SLC7A5: variants seen among roughly 807,000 people sequenced by gnomAD.
SLC7A5 encodes large neutral amino acids transporter small subunit 1.
A neutral mutation model predicts 50.2 loss-of-function variants in SLC7A5; 23 were observed. The observed-to-expected ratio is 0.46, with a 90% CI of 0.33 to 0.65. SLC7A5 has a LOEUF of 0.65. Ranked by LOEUF, SLC7A5 falls within the 30% of genes least tolerant of loss-of-function variation. The pLI, the probability that SLC7A5 is intolerant of heterozygous loss-of-function variation, is 0.02. For synonymous variants in SLC7A5, 393 were observed against 330.6 expected (o/e 1.19, Z -2.05); for missense variants, 578 against 684.4 (o/e 0.84, Z 1.73).
Position 87,836,573 on chromosome 16 carries a change from C to T in SLC7A5, c.1215G>A (p.Trp405Ter), listed in dbSNP as rs781126989. The change falls in exon 8 of 10, where the codon TGG (tryptophan) becomes TGA (stop). Residue 405 changes from tryptophan (W) to a stop codon, truncating the protein, a stop_gained. Coordinates refer to ENST00000261622, the MANE Select transcript of SLC7A5 (RefSeq NM_003486.7). LOFTEE classifies it high-confidence loss of function. ...CGATGATGGCCAGGGCCACGCAGAG[C>T]CAGTTGAAGAAGCTGAAGAAGTTGA... ...SVINFFSFFNWLCVALAIIGM... is the reference protein window; with the variant it reads ...SVINFFSFFN 1 of 1,613,704 alleles carries T rather than the reference C, an allele frequency of 6.2e-7. No individual in the cohort carries two copies. The highest frequency in any genetic ancestry group is 8.5e-7 in the Non-Finnish European group (1 of 1,180,026).
intron 1 of SLC7A5, among the ~76,000 whole-genome samples, chr16:87,866,425 CGAG>C (rs1567503904): frequency 6.6e-6 from 1 of 152,038 alleles, no homozygotes; most frequent in East Asian, 1.9e-4. Context: ...CCTCAGCCTC[CGAG>C]TAGCTGGGAC....
Position 87,869,482 on chromosome 16 carries a change from G to C in SLC7A5, c.-60C>G, listed in dbSNP as rs1227422377. 4.3e-6 allele frequency: 5 copies of C among 1,155,256 alleles called. No individual in the cohort carries two copies. The highest frequency in any genetic ancestry group is 1.6e-5 in the African/African-American group (1 of 61,428). The allele number at this position is 1,155,256 out of a possible 1,614,324, so 71.6% of individuals were successfully genotyped here. ...AGCCGCGGCCCAGCGAGCAGTGTGCGCGCCGCCCGCCGCCCGCAGCTGCGT... is the reference window on the plus strand; with the variant it reads ...AGCCGCGGCCCAGCGAGCAGTGTGCCCGCCGCCCGCCGCCCGCAGCTGCGT... On this transcript the variant is annotated 5_prime_UTR_variant, in exon 1 of 10. Transcript: ENST00000261622.
intron 7 of SLC7A5, 134 bp downstream of exon 7, chr16:87,837,711 C>T: frequency 1.5e-6 from 1 of 689,224 alleles, no homozygotes; most frequent in South Asian, 1.7e-5. Context: ...TTCAGCGGAG[C>T]TCGGCAGGAG....
At chr16:87,834,947 CAG>C (rs2054979815) in intron 8 of SLC7A5, among the ~76,000 whole-genome samples, 1 of 152,252 alleles carries the variant, frequency 6.6e-6, no homozygotes, top group Non-Finnish European at 1.5e-5. Flanking sequence ...TTCCAGGAGA[CAG>C]TGGCCACCCA....
At chr16:87,849,962 C>T (rs1800733167) in intron 2 of SLC7A5, among the ~76,000 whole-genome samples, 1 of 152,226 alleles carries the variant, frequency 6.6e-6, no homozygotes, top group Non-Finnish European at 1.5e-5. Context: ...CTGCTGCAGA[C>T]TTTGTACAGA....
In SLC7A5 at chr16:87,841,036, A is replaced by G. The variant is rs1006316178; in HGVS notation, c.770+14T>C. The G allele has an allele frequency of 5.1e-6, 8 of 1,583,888 alleles. No homozygotes were observed. The highest frequency in any genetic ancestry group is 6.9e-6 in the Non-Finnish European group (8 of 1,152,924). The stretch of plus-strand genomic sequence containing the variant: ...TGTCCCCAGACCAAGGGACCCAGAC[A>G]TTCCAGAACCTACCATCCTCCATAG... On this transcript the variant is annotated intron_variant, in intron 3 of 9. Transcript: ENST00000261622. The surrounding 1 kb of genome is among the most constrained non-coding windows in gnomAD (Gnocchi z 4.8).
intron 2 of SLC7A5, among the ~76,000 whole-genome samples, chr16:87,847,769 G>A (rs1420346301): frequency 6.6e-6 from 1 of 152,188 alleles, no homozygotes; most frequent in Non-Finnish European, 1.5e-5. Context: ...GTGGGACCTG[G>A]GGCAGGGCAC....
chr16:87,841,261 C>T lies in SLC7A5; in HGVS notation c.665-106G>A, dbSNP rs1170728789. 1.3e-6 allele frequency: 1 copy of T among 771,356 alleles called. No homozygotes were observed. Among genetic ancestry groups the T allele is most frequent in the African/African-American group, 1.7e-5 (1 of 58,460 alleles). The allele number at this position is 771,356 out of a possible 1,614,324, so 47.8% of individuals were successfully genotyped here. ...GCAAAATACATAGCAAACAAAAATG[C>T]TGGAGTGAAGGCTTTTCACTGTGAC... is the stretch of plus-strand genomic sequence containing the variant. On this transcript the variant is annotated intron_variant, in intron 2 of 9. Coordinates refer to ENST00000261622, the MANE Select transcript of SLC7A5 (RefSeq NM_003486.7). This position sits in a 1 kb window ranked among gnomAD's most constrained non-coding sequence, Gnocchi z 4.8.
At chr16:87,840,858 T>C (rs1216180024) in intron 3 of SLC7A5, among the ~76,000 whole-genome samples, 192 bp downstream of exon 3, 1 of 151,966 alleles carries the variant, frequency 6.6e-6, no homozygotes, top group Admixed American at 6.5e-5. Context: ...GCGGGCGGCC[T>C]CCCCACGCTT....
intron 8 of SLC7A5, among the ~76,000 whole-genome samples, chr16:87,835,516 G>GTC (rs1291498843): frequency 6.6e-6 from 1 of 152,218 alleles, no homozygotes; most frequent in Non-Finnish European, 1.5e-5. Context: ...TTGAGACGGA[G>GTC]TCTCACTCTG....
chr16:87,868,795 G>C, intron 1 of SLC7A5, 90 bp downstream of exon 1: 1 of 1,307,464 alleles, frequency 7.6e-7, no homozygotes. Flanking sequence ...TAAAGATGTA[G>C]AGATGTGGGA....
At chr16:87,845,896 C>T (rs899156959) in intron 2 of SLC7A5, among the ~76,000 whole-genome samples, 8 of 152,214 alleles carry the variant, frequency 5.3e-5, no homozygotes, top group African/African-American at 9.7e-5. Flanking sequence ...AAACAAGCCC[C>T]GCTCCCGTCC....
intron 1 of SLC7A5, among the ~76,000 whole-genome samples, chr16:87,864,206 C>T (rs1001937357): frequency 6.6e-6 from 1 of 151,108 alleles, no homozygotes; most frequent in South Asian, 2.1e-4. Flanking sequence ...GCAGGACAGT[C>T]GCTTGAACCC....
At position 87,830,450 on chromosome 16, in the gene SLC7A5, A is replaced by C. The variant is rs2054922342; in HGVS notation, c.*2520T>G. ...GGGGACGTTTGTCAGTGGAGTGTGGAGAAAAAGGGACGGAAAAATCAAGTC... is the reference window on the plus strand; with the variant it reads ...GGGGACGTTTGTCAGTGGAGTGTGGCGAAAAAGGGACGGAAAAATCAAGTC... On this transcript the variant is annotated 3_prime_UTR_variant, in exon 10 of 10. Coordinates refer to ENST00000261622, the MANE Select transcript of SLC7A5 (RefSeq NM_003486.7). The C allele has an allele frequency of 6.6e-6, 1 of 152,282 alleles. No individual in the cohort carries two copies. Among genetic ancestry groups the C allele is most frequent in the African/African-American group, 2.4e-5 (1 of 41,462 alleles). 9.4% of individuals were successfully genotyped at this position (152,282 alleles called of 1,614,324 possible).
At chr16:87,866,504 T>A (rs2055462868) in intron 1 of SLC7A5, among the ~76,000 whole-genome samples, 1 of 152,106 alleles carries the variant, frequency 6.6e-6, no homozygotes. Flanking sequence ...TTCGCCTTGT[T>A]GCCCAGGCTG....
rs1043303075 is a variant in SLC7A5 at position 87,852,912 on chromosome 16, C to G, written c.539-1063G>C. On this transcript the variant is annotated intron_variant, in intron 1 of 9. Transcript: ENST00000261622. The surrounding 1 kb of genome is among the most constrained non-coding windows in gnomAD (Gnocchi z 4.5). The stretch of plus-strand genomic sequence containing the variant: ...CACCCCTCACTGCCTGCTGCACTAC[C>G]CTTCACTCCTCTGCTCACGAGGTTA... 6.6e-6 allele frequency among the ~76,000 whole-genome samples: 1 copy of G among 152,138 alleles called. No individual in the cohort carries two copies. The highest frequency in any genetic ancestry group is 2.4e-5 in the African/African-American group (1 of 41,412).
chr16:87,851,533 G>A (rs1055407710), intron 2 of SLC7A5, among the ~76,000 whole-genome samples, 191 bp downstream of exon 2: 2 of 152,246 alleles, frequency 1.3e-5, no homozygotes, highest in South Asian at 2.1e-4. Flanking sequence ...TGTCCCACGG[G>A]AGCACTCCTG....
In SLC7A5 at chr16:87,837,956, G is replaced by A; in HGVS notation, c.1044-15C>T. On this transcript the variant is annotated splice_polypyrimidine_tract_variant and intron_variant, in intron 6 of 9. Coordinates refer to ENST00000261622, the MANE Select transcript of SLC7A5 (RefSeq NM_003486.7). ...CGAAGAAGAGCCTGTGGACAGACAA[G>A]AGTGGCAGAGTCAGCCACCGCCCCA... 1 of 1,584,392 alleles carries A rather than the reference G, an allele frequency of 6.3e-7. No individual in the cohort carries two copies. Among genetic ancestry groups the A allele is most frequent in the Middle Eastern group, 1.7e-4 (1 of 6,016 alleles).
intron 2 of SLC7A5, among the ~76,000 whole-genome samples, chr16:87,847,621 G>A (rs2055170144): frequency 6.6e-6 from 1 of 152,174 alleles, no homozygotes; most frequent in South Asian, 2.1e-4. Context: ...CCTCCCAAGA[G>A]CAGATGGGCC....
Sources: allele counts gnomAD v4.1 joint callset (sites outside exome capture counted in the v4.1 genomes callset), GRCh38; gene constraint gnomAD v4.1.1; non-coding constraint Gnocchi (gnomAD v3.1); transcripts MANE v1.5; gene names NCBI Gene and HGNC (gene_info 2026-07-23, HGNC 2026-07-21).